The following MIA2 variants were observed in gnomAD, a reference collection of about 807,000 sequenced individuals.
MIA2 encodes MIA SH3 domain ER export factor 2.
MIA2 carries 127 observed loss-of-function variants against 167.8 expected under a neutral mutation model. The ratio of observed to expected loss-of-function variants is 0.76; its 90% CI spans 0.66 to 0.88. The LOEUF (loss-of-function observed/expected upper bound fraction) is 0.88. Ranked by LOEUF, MIA2 falls within the 40% of genes least tolerant of loss-of-function variation. MIA2 has a pLI of 0.00. For synonymous variants in MIA2, 552 were observed against 541.9 expected, an observed-to-expected ratio of 1.02 and a Z score of -0.26; for missense variants, 1,690 against 1,624.7, an observed-to-expected ratio of 1.04 and a Z score of -0.69.
chr14:39,306,916 TA>T (rs549645107), intron 17 of MIA2, among the ~76,000 whole-genome samples: 2 of 152,180 alleles, frequency 1.3e-5, no homozygotes, highest in East Asian at 1.9e-4. Flanking sequence ...ACGAGGTTTT[TA>T]AAAAAATTGA....
In MIA2 at chr14:39,281,860, A is replaced by G. The variant is rs193058703; in HGVS notation, c.2130+2323A>G. 5.1e-3 allele frequency among the ~76,000 whole-genome samples: 782 copies of G among 152,098 alleles called. 8 individuals carry two copies. Among genetic ancestry groups the G allele is most frequent in the African/African-American group, 0.018 (732 of 41,510 alleles). ...GGTCTCAAACTCCTGAGCTCAGGCA[A>G]TCCACCTGCCTTGGCCTCCCAAAGT... On this transcript the variant is annotated intron_variant, in intron 9 of 28. Transcript: ENST00000640607.
chr14:39,240,475 C>A, intron 2 of MIA2, 86 bp from the exon 3 acceptor site: 1 of 927,388 alleles, frequency 1.1e-6, no homozygotes. Context: ...TAGATGAAAG[C>A]CAAGGACATG....
chr14:39,244,247 C>T (rs1185822135), intron 3 of MIA2, among the ~76,000 whole-genome samples: 1 of 152,168 alleles, frequency 6.6e-6, no homozygotes, highest in Non-Finnish European at 1.5e-5. Flanking sequence ...TTTCTATGAC[C>T]TGCCTTGGGA....
intron 18 of MIA2, among the ~76,000 whole-genome samples, chr14:39,311,222 A>C (rs1013962547): frequency 2.6e-5 from 4 of 152,158 alleles, no homozygotes; most frequent in Non-Finnish European, 4.4e-5. Flanking sequence ...TTTCCTTCTT[A>C]TATTTAACTA....
At chr14:39,349,228 G>T (rs4393482) in intron 28 of MIA2, among the ~76,000 whole-genome samples, 112,718 of 152,034 alleles carry the variant, frequency 0.74, 42,086 homozygotes, top group African/African-American at 0.81. Context: ...AGAAAATAAT[G>T]GACTTTTTGC....
At chr14:39,267,415 A>T in intron 6 of MIA2, 1 of 1,608,758 alleles carries the variant, frequency 6.2e-7, no homozygotes, top group South Asian at 1.1e-5. Context: ...TGTGGCCCCG[A>T]CAGGCCGGGG....
At chr14:39,287,752 G>A (rs1269255273) in intron 9 of MIA2, among the ~76,000 whole-genome samples, 9 of 151,872 alleles carry the variant, frequency 5.9e-5, no homozygotes, top group East Asian at 1.9e-4. Flanking sequence ...TGGTAGAGAC[G>A]GGGTTTCACC....
At chr14:39,371,644 G>A (rs968913937) in intron 23 of MIA2, among the ~76,000 whole-genome samples, 4 of 152,200 alleles carry the variant, frequency 2.6e-5, no homozygotes, top group Admixed American at 1.3e-4. Flanking sequence ...TGATAATTTT[G>A]TATAAAGAGC....
chr14:39,367,271 G>T (rs1023779563), intron 23 of MIA2, among the ~76,000 whole-genome samples: 1 of 152,190 alleles, frequency 6.6e-6, no homozygotes, highest in African/African-American at 2.4e-5. Context: ...CTATGCCACT[G>T]CAGTCATTCT....
At chr14:39,339,586 A>C (rs1040357749) in intron 25 of MIA2, among the ~76,000 whole-genome samples, 5 of 152,344 alleles carry the variant, frequency 3.3e-5, no homozygotes, top group African/African-American at 1.2e-4. Context: ...AAGATAAATT[A>C]TTAAAAAGGT....
intron 25 of MIA2, among the ~76,000 whole-genome samples, chr14:39,331,294 T>C (rs1595717312): frequency 6.6e-6 from 1 of 152,308 alleles, no homozygotes; most frequent in East Asian, 1.9e-4. Context: ...TTTTTTTTGC[T>C]TTCCATTTGC....
chr14:39,305,678 A>G (rs555949825), intron 17 of MIA2, among the ~76,000 whole-genome samples: 128 of 152,302 alleles, frequency 8.4e-4, no homozygotes, highest in African/African-American at 3.0e-3. Flanking sequence ...GCTCACGCCT[A>G]TAATCCCAGC....
chr14:39,292,212 G>A (rs916734214), intron 10 of MIA2, among the ~76,000 whole-genome samples: 1 of 152,070 alleles, frequency 6.6e-6, no homozygotes, highest in Non-Finnish European at 1.5e-5. Flanking sequence ...AAAAATTTTA[G>A]AAGGCATTTG....
chr14:39,326,575 C>G (rs2067592173), intron 24 of MIA2, among the ~76,000 whole-genome samples: 1 of 150,612 alleles, frequency 6.6e-6, no homozygotes, highest in Admixed American at 6.6e-5. Flanking sequence ...TTAGTTTAAG[C>G]AACAAAATCA....
intron 3 of MIA2, among the ~76,000 whole-genome samples, chr14:39,244,016 C>G (rs2054180063): frequency 6.6e-6 from 1 of 152,208 alleles, no homozygotes; most frequent in African/African-American, 2.4e-5. Flanking sequence ...GTGGGGGAAC[C>G]CAGAAAAGCC....
intron 23 of MIA2, among the ~76,000 whole-genome samples, chr14:39,378,468 G>T (rs935003047): frequency 6.6e-6 from 1 of 152,128 alleles, no homozygotes; most frequent in African/African-American, 2.4e-5. Context: ...ACTCCTTAGA[G>T]TTCTATAGCT....
At chr14:39,293,519 C>A in intron 11 of MIA2, 138 bp downstream of exon 11, 1 of 576,204 alleles carries the variant, frequency 1.7e-6, no homozygotes, top group Non-Finnish European at 3.0e-6. Flanking sequence ...GCAAAATTTT[C>A]TAGATCCATT....
At chr14:39,347,817 T>G (rs564513211) in intron 27 of MIA2, 46 bp downstream of exon 27, 168 of 1,117,852 alleles carry the variant, frequency 1.5e-4, no homozygotes, top group Admixed American at 1.5e-3. Flanking sequence ...TCAGAAGCCT[T>G]CTTTTTTTTT....
chr14:39,256,497 C>T (rs189244333), intron 6 of MIA2, among the ~76,000 whole-genome samples: 1 of 152,028 alleles, frequency 6.6e-6, no homozygotes, highest in East Asian at 1.9e-4. Context: ...GGGATCAACA[C>T]TACATTTTTC....
Sources: allele counts gnomAD v4.1 joint callset (sites outside exome capture counted in the v4.1 genomes callset), GRCh38; gene constraint gnomAD v4.1.1; transcripts MANE v1.5; gene names NCBI Gene and HGNC (gene_info 2026-07-23, HGNC 2026-07-21).